Variants in CD38 observed in about 807,000 individuals in gnomAD.
The protein encoded by CD38 is ADP-ribosyl cyclase/cyclic ADP-ribose hydrolase 1.
A neutral mutation model predicts 36.3 loss-of-function variants in CD38; 31 were observed. That is an observed-to-expected ratio of 0.85 (90% confidence interval 0.64 to 1.15). CD38 has a LOEUF of 1.15. Ranked by LOEUF, CD38 falls within the 50% of genes most tolerant of loss-of-function variation. CD38 has a pLI of 0.00. For missense variants in CD38, 380 were observed against 371.9 expected (o/e 1.02, Z -0.18); for synonymous variants, 131 against 135.2 (o/e 0.97, Z 0.22).
Position 15,834,287 on chromosome 4 carries a change from A to G in CD38, c.570A>G (p.Lys190=). ...CSNNPVSVFW[K]TVSRRFAEAA... ...ACAACCCTGTTTCAGTATTCTGGAAAACGGTTTCCCGCAGGGTAAGTACCA... is the reference window on the plus strand; with the variant it reads ...ACAACCCTGTTTCAGTATTCTGGAAGACGGTTTCCCGCAGGGTAAGTACCA... The change falls in exon 4 of 8, where the codon AAA becomes AAG. Residue 190 remains lysine, a synonymous_variant. Transcript: ENST00000226279. 6.2e-7 allele frequency: 1 copy of G among 1,611,666 alleles called. No homozygotes were observed. Among genetic ancestry groups the G allele is most frequent in the Non-Finnish European group, 8.5e-7 (1 of 1,177,692 alleles).
At chr4:15,806,133 C>A (rs3796872) in intron 1 of CD38, among the ~76,000 whole-genome samples, 66,958 of 151,998 alleles carry the variant, frequency 0.44, 17,125 homozygotes, top group African/African-American at 0.72. Flanking sequence ...GTAGGCTGAC[C>A]GCAGACAAAT....
chr4:15,801,824 TC>T (rs961103532), intron 1 of CD38, among the ~76,000 whole-genome samples: 3 of 152,030 alleles, frequency 2.0e-5, no homozygotes, highest in Admixed American at 6.6e-5. Flanking sequence ...ATATGACAAA[TC>T]CACAGCTAAT....
In CD38 at chr4:15,840,063, G is replaced by C; in HGVS notation, c.697G>C (p.Glu233Gln). Residue 233 changes from glutamate (E) to glutamine (Q), a missense_variant, in exon 6 of 8, where the codon GAG (glutamate) becomes CAG (glutamine). Glu to Gln is a conservative substitution (Grantham distance 29). Coordinates refer to ENST00000226279, the MANE Select transcript of CD38 (RefSeq NM_001775.4). ...GSVEVHNLQP[E>Q]KVQTLEAWVI... ...TGTGGAAGTCCATAATTTGCAACCA[G>C]AGAAGGTTCAGACACTAGAGGCCTG... 3 of 1,613,918 alleles carry C rather than the reference G, an allele frequency of 1.9e-6. No individual in the cohort carries two copies. Among genetic ancestry groups the C allele is most frequent in the Non-Finnish European group, 2.5e-6 (3 of 1,179,804 alleles).
rs758328339 is a variant in CD38, at chr4:15,826,471, A to G, written c.499+1455A>G. 1.2e-3 allele frequency among the ~76,000 whole-genome samples: 176 copies of G among 151,850 alleles called. 1 individual carries two copies. The highest frequency in any genetic ancestry group is 0.01 in the Middle Eastern group (3 of 288). On this transcript the variant is annotated intron_variant, in intron 3 of 7. Transcript: ENST00000226279. ...AACACTTTTGTGCGCACACACACAC[A>G]CACACACACACACACACACACACAC... is the stretch of plus-strand genomic sequence containing the variant.
chr4:15,830,624 C>T (rs377169866), intron 3 of CD38, among the ~76,000 whole-genome samples: 57 of 152,008 alleles, frequency 3.7e-4, no homozygotes, highest in Non-Finnish European at 6.6e-4. Flanking sequence ...ATTTTGCTTT[C>T]GTTGCCTGTG....
chr4:15,802,535 T>C (rs148075741), intron 1 of CD38, among the ~76,000 whole-genome samples: 1 of 129,466 alleles, frequency 7.7e-6, no homozygotes. Context: ...TATTTTATTT[T>C]ATTTTATTTT....
intron 1 of CD38, among the ~76,000 whole-genome samples, chr4:15,795,484 A>T (rs1560308769): frequency 6.6e-6 from 1 of 152,140 alleles, no homozygotes; most frequent in Non-Finnish European, 1.5e-5. Context: ...TTCTTTTTTA[A>T]AAATTATAAA....
chr4:15,791,818 G>C lies in CD38; in HGVS notation c.233+13171G>C, dbSNP rs1423690528. Among the ~76,000 whole-genome samples the C allele has an allele frequency of 2.3e-5, 2 of 85,800 alleles. 1 individual carries two copies. Among genetic ancestry groups the C allele is most frequent in the African/African-American group, 2.2e-4 (2 of 9,124 alleles). 56.3% of individuals were successfully genotyped at this position (85,800 alleles called of 152,430 possible). Reference sequence around the variant, plus strand: ...AGGGAGGTGGGAGGGTCAGCCCCCCGCCCGGCCAGCCGCCCTATCCAGGAG... The same window carrying C: ...AGGGAGGTGGGAGGGTCAGCCCCCCCCCCGGCCAGCCGCCCTATCCAGGAG... On this transcript the variant is annotated intron_variant, in intron 1 of 7. Transcript: ENST00000226279.
intron 1 of CD38, among the ~76,000 whole-genome samples, chr4:15,783,086 A>G (rs1722732793): frequency 6.6e-6 from 1 of 152,320 alleles, no homozygotes; most frequent in South Asian, 2.1e-4. Context: ...CAAGGGCCAC[A>G]CACAAGAGCT....
At chr4:15,792,597 A>T (rs1723029149) in intron 1 of CD38, among the ~76,000 whole-genome samples, 1 of 152,062 alleles carries the variant, frequency 6.6e-6, no homozygotes, top group Non-Finnish European at 1.5e-5. Flanking sequence ...AACTTCAACA[A>T]CTATCAACAT....
At chr4:15,817,888 AC>A (rs1723635784) in intron 2 of CD38, among the ~76,000 whole-genome samples, 1 of 152,074 alleles carries the variant, frequency 6.6e-6, no homozygotes, top group Non-Finnish European at 1.5e-5. Context: ...GTGTGTCTAC[AC>A]CACCAGGGCC....
chr4:15,780,034 A>G (rs1033155514), intron 1 of CD38, among the ~76,000 whole-genome samples: 4 of 152,232 alleles, frequency 2.6e-5, no homozygotes, highest in African/African-American at 9.6e-5. Context: ...ACAAGAGTGA[A>G]TGACGAAGTT....
At chr4:15,794,153 G>A (rs1432206681) in intron 1 of CD38, among the ~76,000 whole-genome samples, 1 of 152,180 alleles carries the variant, frequency 6.6e-6, no homozygotes, top group Non-Finnish European at 1.5e-5. Context: ...TTCTGCCCTG[G>A]ATGTGAATCA....
At chr4:15,832,355 T>A (rs1022604856) in intron 3 of CD38, among the ~76,000 whole-genome samples, 13 of 152,064 alleles carry the variant, frequency 8.5e-5, no homozygotes, top group Admixed American at 7.9e-4. Context: ...AGGCATTGTA[T>A]TTATTGTAGT....
In CD38 at chr4:15,850,612, C is replaced by T. The variant is rs1724363206; in HGVS notation, c.*2010C>T. The stretch of plus-strand genomic sequence containing the variant: ...AGCAAGCACTCAACAGAGTTGGTTC[C>T]TTTCTTCCTCCCCTGCTTGACAATC... On this transcript the variant is annotated 3_prime_UTR_variant, in exon 8 of 8. Coordinates refer to ENST00000226279, the MANE Select transcript of CD38 (RefSeq NM_001775.4). The T allele has an allele frequency of 2.0e-5, 3 of 152,312 alleles. No individual in the cohort carries two copies. The highest frequency in any genetic ancestry group is 2.0e-4 in the Admixed American group (3 of 15,270). The allele number at this position is 152,312 out of a possible 1,614,324, so 9.4% of individuals were successfully genotyped here.
intron 1 of CD38, among the ~76,000 whole-genome samples, chr4:15,780,377 G>C (rs1440792183): frequency 1.3e-5 from 2 of 152,138 alleles, no homozygotes; most frequent in Non-Finnish European, 2.9e-5. Flanking sequence ...GTATCAGTGA[G>C]TCTAAGCATC....
chr4:15,840,561 A>G, intron 7 of CD38, 23 bp downstream of exon 7: 2 of 1,340,766 alleles, frequency 1.5e-6, no homozygotes, highest in Non-Finnish European at 2.1e-6. Flanking sequence ...TTCTTGAAGA[A>G]AAAAATGACT....
intron 2 of CD38, among the ~76,000 whole-genome samples, chr4:15,821,068 A>G (rs1723723748): frequency 6.6e-6 from 1 of 152,348 alleles, no homozygotes; most frequent in East Asian, 1.9e-4. Context: ...TGGAAATTGA[A>G]CAACCTGCTC....
At chr4:15,839,276 G>C (rs1374193398) in intron 5 of CD38, among the ~76,000 whole-genome samples, 1 of 152,110 alleles carries the variant, frequency 6.6e-6, no homozygotes, top group Admixed American at 6.6e-5. Flanking sequence ...ACAGGGAAGA[G>C]TTTAGGAATG....
Sources: gnomAD v4.1 joint callset for allele counts (sites outside exome capture counted in the v4.1 genomes callset) on GRCh38, gnomAD v4.1.1 for gene constraint, MANE v1.5 for transcripts, NCBI Gene and HGNC (gene_info 2026-07-23, HGNC 2026-07-21) for gene names.